The following SEMA5B variants were observed in gnomAD, a reference collection of about 807,000 sequenced individuals.
SEMA5B encodes semaphorin-5B.
SEMA5B carries 66 observed loss-of-function variants against 135.0 expected under a neutral mutation model. That is an observed-to-expected ratio of 0.49 (90% CI 0.40 to 0.60). The LOEUF is 0.60. Among genes scored for constraint, SEMA5B ranks in the 20% least tolerant of loss-of-function variants. The pLI is 0.00. For synonymous variants in SEMA5B, 690 were observed against 639.5 expected (o/e 1.08, Z -1.19); for missense variants, 1,501 against 1,566.3 (o/e 0.96, Z 0.70).
intron 1 of SEMA5B, among the ~76,000 whole-genome samples, chr3:122,969,222 G>T (rs1050864816): frequency 6.6e-6 from 1 of 152,206 alleles, no homozygotes; most frequent in South Asian, 2.1e-4. Context: ...CACCAGAAGT[G>T]GCAGAGCCGG....
At chr3:122,995,179 G>A (rs573097553) in intron 1 of SEMA5B, among the ~76,000 whole-genome samples, 6 of 152,296 alleles carry the variant, frequency 3.9e-5, no homozygotes, top group South Asian at 4.1e-4. Context: ...GCAGGACATC[G>A]GGTGGTGGGG....
chr3:122,910,194 G>A lies in SEMA5B; in HGVS notation c.3405C>T (p.His1135=). 1 of 1,614,254 alleles carries A rather than the reference G, an allele frequency of 6.2e-7. No individual in the cohort carries two copies. The highest frequency in any genetic ancestry group is 1.1e-5 in the South Asian group (1 of 91,086). ...CAGGTGAGGCCTCGGGCCGGAAGCT[G>A]TGTTTGTTCAGGGGGCTTGGGTAGT... ...TTYYPSPLNK[H]SFRPEASPGQ... is the part of the protein sequence containing the mutation. Residue 1135 remains histidine (H), a synonymous_variant, in exon 23 of 23, where the codon CAC becomes CAT. Transcript: ENST00000357599.
intron 1 of SEMA5B, among the ~76,000 whole-genome samples, chr3:123,008,060 T>A (rs1234747585): frequency 1.3e-5 from 2 of 152,228 alleles, no homozygotes; most frequent in Non-Finnish European, 2.9e-5. Context: ...TCAAAAGAAC[T>A]TGAAGAACGG....
chr3:123,020,726 T>C (rs1353459847), intron 1 of SEMA5B, among the ~76,000 whole-genome samples: 1 of 152,212 alleles, frequency 6.6e-6, no homozygotes, highest in Non-Finnish European at 1.5e-5. Flanking sequence ...AGAAATCCTA[T>C]CTTAATTAAG....
chr3:122,948,138 G>A (rs1939872591), intron 3 of SEMA5B, among the ~76,000 whole-genome samples: 1 of 152,134 alleles, frequency 6.6e-6, no homozygotes, highest in South Asian at 2.1e-4. Context: ...TAGAGCAGAA[G>A]GAAGCTTTCC....
chr3:122,996,714 G>A (rs993122959), intron 1 of SEMA5B, among the ~76,000 whole-genome samples: 1 of 152,198 alleles, frequency 6.6e-6, no homozygotes, highest in Non-Finnish European at 1.5e-5. Context: ...CCCTTCAAGA[G>A]TTTAAGTCTG....
chr3:122,995,592 C>T (rs1185441546), intron 1 of SEMA5B, among the ~76,000 whole-genome samples: 2 of 152,192 alleles, frequency 1.3e-5, no homozygotes, highest in Non-Finnish European at 2.9e-5. Context: ...GGACACAGCA[C>T]CCAAGCTTGA....
intron 1 of SEMA5B, among the ~76,000 whole-genome samples, chr3:122,982,993 C>T (rs1473808491): frequency 6.6e-6 from 1 of 152,156 alleles, no homozygotes; most frequent in African/African-American, 2.4e-5. Flanking sequence ...GGAGGAAGAG[C>T]GTGCCTCTGA....
At chr3:122,972,548 T>C (rs532440446) in intron 1 of SEMA5B, among the ~76,000 whole-genome samples, 2 of 152,312 alleles carry the variant, frequency 1.3e-5, no homozygotes, top group African/African-American at 4.8e-5. Context: ...ATCTGTGCTA[T>C]TATTTGACTT....
chr3:122,981,945 CA>C (rs558244940), intron 1 of SEMA5B, among the ~76,000 whole-genome samples: 9 of 152,316 alleles, frequency 5.9e-5, no homozygotes, highest in African/African-American at 2.2e-4. Flanking sequence ...GTTACCATGG[CA>C]GGTCATCAGC....
intron 5 of SEMA5B, among the ~76,000 whole-genome samples, chr3:122,930,095 C>T (rs1056155743): frequency 6.6e-6 from 1 of 152,170 alleles, no homozygotes; most frequent in Non-Finnish European, 1.5e-5. Context: ...AAAAAGAGCC[C>T]ACCTGCTTTT....
At chr3:122,934,503 T>C (rs900144134) in intron 5 of SEMA5B, among the ~76,000 whole-genome samples, 1 of 152,214 alleles carries the variant, frequency 6.6e-6, no homozygotes, top group Non-Finnish European at 1.5e-5. Context: ...GGAAACTCTA[T>C]AGGACAAGTG....
intron 14 of SEMA5B, 37 bp downstream of exon 14, chr3:122,915,403 C>A: frequency 6.4e-7 from 1 of 1,565,376 alleles, no homozygotes; most frequent in Non-Finnish European, 8.7e-7. Flanking sequence ...CCACCCTGGT[C>A]CAAGGCAGAC....
chr3:122,975,680 A>G (rs895075), intron 1 of SEMA5B, among the ~76,000 whole-genome samples: 15,824 of 152,242 alleles, frequency 0.1, 878 homozygotes, highest in Middle Eastern at 0.17. Flanking sequence ...GTGATTATGC[A>G]GACCTTCCAT....
chr3:122,923,536 G>T, intron 10 of SEMA5B, 81 bp downstream of exon 10: 1 of 1,512,876 alleles, frequency 6.6e-7, no homozygotes, highest in Non-Finnish European at 9.1e-7. Flanking sequence ...TCTGTGCTAA[G>T]CAGTTGGGAA....
At position 122,928,017 on chromosome 3, in the gene SEMA5B, G is replaced by A; in HGVS notation, c.637-14C>T. Reference sequence around the variant, plus strand: ...GAGGTTCCCCACCTGGGGACAATGGGGAGAAGGGGACACTTTTCCCTGAGG... The same window carrying A: ...GAGGTTCCCCACCTGGGGACAATGGAGAGAAGGGGACACTTTTCCCTGAGG... On this transcript the variant is annotated splice_polypyrimidine_tract_variant and intron_variant, in intron 7 of 22. Transcript: ENST00000357599. 6.9e-7 allele frequency: 1 copy of A among 1,450,490 alleles called. No homozygotes were observed. 89.9% of individuals were successfully genotyped at this position (1,450,490 alleles called of 1,614,324 possible).
intron 1 of SEMA5B, among the ~76,000 whole-genome samples, chr3:122,966,258 A>G (rs369842926): frequency 3.9e-5 from 6 of 152,284 alleles, no homozygotes; most frequent in South Asian, 2.1e-4. Flanking sequence ...AGCCTCCAGG[A>G]CCTACCAGTG....
chr3:122,994,303 C>G (rs1418656163), intron 1 of SEMA5B, among the ~76,000 whole-genome samples: 3 of 152,240 alleles, frequency 2.0e-5, no homozygotes, highest in Non-Finnish European at 2.9e-5. Context: ...GATTAGCCAC[C>G]TGTAGGTCTG....
intron 18 of SEMA5B, 87 bp from the exon 19 acceptor site, chr3:122,912,429 G>C (rs1291133278): frequency 7.9e-7 from 1 of 1,272,284 alleles, no homozygotes; most frequent in African/African-American, 1.5e-5. Context: ...AGACCACTCT[G>C]CCCTGAGCCA....
Sources: allele counts gnomAD v4.1 joint callset (sites outside exome capture counted in the v4.1 genomes callset), GRCh38; gene constraint gnomAD v4.1.1; transcripts MANE v1.5; gene names NCBI Gene and HGNC (gene_info 2026-07-23, HGNC 2026-07-21).